Variants in PCDHA11 observed in about 807,000 individuals in gnomAD.
PCDHA11 encodes protocadherin alpha-11.
In PCDHA11, 61 loss-of-function variants were observed where a neutral mutation model predicts 70.3. The observed-to-expected ratio is 0.87, with a 90% CI of 0.71 to 1.07. The LOEUF (loss-of-function observed/expected upper bound fraction) is 1.07, where lower values mean the gene tolerates loss of function less well. Among genes scored for constraint, PCDHA11 ranks in the 50% least tolerant of loss-of-function variants. PCDHA11 has a pLI of 0.00. For missense variants in PCDHA11, 1,324 were observed against 1,237.5 expected (o/e 1.07, Z -1.05); for synonymous variants, 633 against 555.1 (o/e 1.14, Z -1.97).
At chr5:141,006,105 G>GT (rs79904017) in intron 3 of PCDHA11, among the ~76,000 whole-genome samples, 4,283 of 143,138 alleles carry the variant, frequency 0.03, 125 homozygotes, top group African/African-American at 0.081. Flanking sequence ...ATGGTAAGGA[G>GT]TTTTTTTTTT....
At chr5:140,971,640 A>G (rs2096489850) in intron 1 of PCDHA11, among the ~76,000 whole-genome samples, 1 of 152,184 alleles carries the variant, frequency 6.6e-6, no homozygotes, top group Non-Finnish European at 1.5e-5. Context: ...CCATGTGCCT[A>G]CATTAAAAGT....
intron 1 of PCDHA11, among the ~76,000 whole-genome samples, chr5:140,888,814 T>C (rs1052564071): frequency 6.6e-6 from 1 of 152,126 alleles, no homozygotes; most frequent in Non-Finnish European, 1.5e-5. Context: ...TGATCTGTGA[T>C]CTGTGATCAC....
intron 1 of PCDHA11, among the ~76,000 whole-genome samples, chr5:140,878,322 T>C (rs2057540228): frequency 6.6e-6 from 1 of 152,228 alleles, no homozygotes; most frequent in Non-Finnish European, 1.5e-5. Context: ...CATTTTCACA[T>C]TATATTCCAG....
intron 1 of PCDHA11, among the ~76,000 whole-genome samples, chr5:140,962,617 G>A (rs189225320): frequency 3.8e-4 from 58 of 152,276 alleles, no homozygotes; most frequent in Non-Finnish European, 1.9e-4. Context: ...GAGGAAGGGA[G>A]ATGTGAAAAA....
At chr5:140,909,235 A>G (rs1554193708) in intron 1 of PCDHA11, among the ~76,000 whole-genome samples, 1 of 152,182 alleles carries the variant, frequency 6.6e-6, no homozygotes, top group African/African-American at 2.4e-5. Flanking sequence ...TAGGATGGTA[A>G]AGATATATTG....
chr5:140,898,033 GTTGT>G (rs2066486498), intron 1 of PCDHA11, among the ~76,000 whole-genome samples: 1 of 152,032 alleles, frequency 6.6e-6, no homozygotes, highest in South Asian at 2.1e-4. Flanking sequence ...TTTTGATGGG[GTTGT>G]TTGTTTTTTT....
At chr5:140,877,649 C>A (rs369703340) in intron 1 of PCDHA11, 1 of 1,613,438 alleles carries the variant, frequency 6.2e-7, no homozygotes, top group Non-Finnish European at 8.5e-7. Context: ...TGCTCAGCGC[C>A]GCCCACCGTG....
chr5:140,941,255 C>CTTTCTTTCTTTCTTTCTTTCTCTT (rs782490896), intron 1 of PCDHA11, among the ~76,000 whole-genome samples: 1 of 44,508 alleles, frequency 2.2e-5, no homozygotes, highest in Non-Finnish European at 5.1e-5. Flanking sequence ...TTCTTTCTTT[C>CTTTCTTTCTTTCTTTCTTTCTCTT]TCTTTCTTTC....
chr5:140,952,546 C>T (rs1449369285), intron 1 of PCDHA11, among the ~76,000 whole-genome samples: 1 of 152,108 alleles, frequency 6.6e-6, no homozygotes, highest in African/African-American at 2.4e-5. Flanking sequence ...CTTCTTTGTC[C>T]ATTTCACTAT....
At chr5:141,006,704 A>G (rs2098283751) in intron 3 of PCDHA11, among the ~76,000 whole-genome samples, 1 of 152,128 alleles carries the variant, frequency 6.6e-6, no homozygotes, top group Non-Finnish European at 1.5e-5. Context: ...GAGTCAAGAT[A>G]TATTTAGGAG....
At chr5:140,969,038 A>G in intron 1 of PCDHA11, 1 of 1,614,148 alleles carries the variant, frequency 6.2e-7, no homozygotes, top group South Asian at 1.1e-5. Context: ...AGAACTGTAC[A>G]AACAAGCCAA....
chr5:140,971,778 G>T (rs1346530602), intron 1 of PCDHA11, among the ~76,000 whole-genome samples: 1 of 151,860 alleles, frequency 6.6e-6, no homozygotes, highest in Admixed American at 6.6e-5. Flanking sequence ...TATTATTCAA[G>T]ATTATTCAAT....
Position 140,958,669 on chromosome 5 carries a change from A to G in PCDHA11, c.2392-20280A>G, listed in dbSNP as rs570899981. On this transcript the variant is annotated intron_variant, in intron 1 of 3. Coordinates refer to ENST00000398640, the MANE Select transcript of PCDHA11 (RefSeq NM_018902.5). ...CACAGAAAGCTATGATGAAATTTTA[A>G]TTATAAAGGATATTGAATATCCTAG... Among the ~76,000 whole-genome samples, 3 of 152,316 alleles carry G rather than the reference A, an allele frequency of 2.0e-5. No individual in the cohort carries two copies. In the East Asian group the frequency reaches 5.8e-4, roughly 29 times the overall value.
intron 1 of PCDHA11, chr5:140,930,291 C>G (rs529065220): frequency 2.0e-5 from 3 of 152,094 alleles, no homozygotes; most frequent in Non-Finnish European, 4.4e-5. Flanking sequence ...ATACACTTAA[C>G]AAATAAGTAA....
intron 1 of PCDHA11, chr5:140,877,539 C>G (rs1562735979): frequency 2.5e-6 from 4 of 1,613,788 alleles, no homozygotes; most frequent in South Asian, 1.1e-5. Flanking sequence ...CTGTGGATCC[C>G]GAAGCGGCTC....
chr5:140,928,570 C>T (rs2085340367), intron 1 of PCDHA11: 1 of 1,614,196 alleles, frequency 6.2e-7, no homozygotes, highest in African/African-American at 1.3e-5. Context: ...GTTTCCCTTG[C>T]CCAGAAATGG....
chr5:140,876,283 G>T, intron 1 of PCDHA11: 1 of 1,614,056 alleles, frequency 6.2e-7, no homozygotes, highest in Non-Finnish European at 8.5e-7. Context: ...CGATCCAGAC[G>T]AAGGACTTAA....
chr5:140,883,787 T>C (rs2059820580), intron 1 of PCDHA11: 2 of 1,612,408 alleles, frequency 1.2e-6, no homozygotes, highest in Non-Finnish European at 1.7e-6. Context: ...GCTGTCGAGC[T>C]ACGTGTCGGT....
At chr5:140,926,537 T>C (rs1584447910) in intron 1 of PCDHA11, 2 of 211,572 alleles carry the variant, frequency 9.5e-6, no homozygotes, top group African/African-American at 2.3e-5. Flanking sequence ...GCAGCCAGCG[T>C]GGTGGTCGAG....
Sources: gnomAD v4.1 joint callset for allele counts (sites outside exome capture counted in the v4.1 genomes callset) on GRCh38, gnomAD v4.1.1 for gene constraint, MANE v1.5 for transcripts, NCBI Gene and HGNC (gene_info 2026-07-23, HGNC 2026-07-21) for gene names.